The following TGM2 variants were observed in gnomAD, a reference collection of about 807,000 sequenced individuals.
The protein encoded by TGM2 is transglutaminase 2.
In TGM2, 53 loss-of-function variants were observed where a neutral mutation model predicts 75.6. The ratio of observed to expected loss-of-function variants is 0.70; its 90% confidence interval spans 0.56 to 0.88. The LOEUF (loss-of-function observed/expected upper bound fraction) is 0.88, where lower values mean the gene tolerates loss of function less well. TGM2 is among the 40% of genes least tolerant of loss of function. TGM2 has a pLI of 0.00. For synonymous variants in TGM2, 374 were observed against 381.1 expected, an observed-to-expected ratio of 0.98 and a Z score of 0.22; for missense variants, 842 against 928.5, an observed-to-expected ratio of 0.91 and a Z score of 1.21.
intron 3 of TGM2, among the ~76,000 whole-genome samples, chr20:38,153,258 C>T (rs2075136422): frequency 6.6e-6 from 1 of 152,058 alleles, no homozygotes; most frequent in Non-Finnish European, 1.5e-5. Flanking sequence ...GGCGTGGTGG[C>T]TCACGCCTGT....
intron 4 of TGM2, 99 bp from the exon 5 acceptor site, chr20:38,148,188 C>A: frequency 6.6e-7 from 1 of 1,517,712 alleles, no homozygotes; most frequent in Non-Finnish European, 9.1e-7. Flanking sequence ...CCACTCTGTC[C>A]CACACAGCAG....
At chr20:38,153,735 C>T (rs751622463) in intron 3 of TGM2, among the ~76,000 whole-genome samples, 32 of 152,148 alleles carry the variant, frequency 2.1e-4, no homozygotes, top group Admixed American at 3.9e-4. Context: ...GGTGAGCCCC[C>T]GCAAAATATC....
At position 38,130,311 on chromosome 20, in the gene TGM2, G is replaced by A; in HGVS notation, c.1972C>T (p.His658Tyr). Residue 658 changes from histidine to tyrosine, a missense_variant, in exon 13 of 13, where the codon CAC becomes TAC. Transcript: ENST00000361475. The stretch of plus-strand genomic sequence containing the variant: ...ACCACCAGCTTGTGGAGGCCCATGT[G>A]GAGCGGCAGCAGGTCCATTCTCACC... ...VKVRMDLLPL[H>Y]MGLHKLVVNF... The A allele has an allele frequency of 6.2e-7, 1 of 1,610,950 alleles. No homozygotes were observed. Among genetic ancestry groups the A allele is most frequent in the Non-Finnish European group, 8.5e-7 (1 of 1,179,050 alleles).
chr20:38,157,072 G>T (rs998436504), intron 2 of TGM2, among the ~76,000 whole-genome samples: 4 of 152,226 alleles, frequency 2.6e-5, no homozygotes, highest in African/African-American at 9.6e-5. Flanking sequence ...GACATGGGTG[G>T]TGGAGAGAAG....
At chr20:38,146,404 G>A in intron 6 of TGM2, 1 of 462,494 alleles carries the variant, frequency 2.2e-6, no homozygotes, top group South Asian at 2.1e-5. Context: ...CACAGAGCAA[G>A]TGGTGGGAGG....
intron 11 of TGM2, among the ~76,000 whole-genome samples, chr20:38,131,592 T>C (rs1294861212): frequency 6.6e-6 from 1 of 152,138 alleles, no homozygotes; most frequent in African/African-American, 2.4e-5. Context: ...ACACCTTGGA[T>C]TCTTCATGGG....
intron 8 of TGM2, 98 bp from the exon 9 acceptor site, chr20:38,139,752 C>G: frequency 6.6e-7 from 1 of 1,505,268 alleles, no homozygotes; most frequent in African/African-American, 1.4e-5. Flanking sequence ...CCAAAAACCT[C>G]AAGACCACGC....
In TGM2 at chr20:38,139,524, C is replaced by A; in HGVS notation, c.1230G>T (p.Gly410=). Residue 410 remains glycine, a synonymous_variant, in exon 9 of 13, where the codon GGG becomes GGT. Coordinates refer to ENST00000361475, the MANE Select transcript of TGM2 (RefSeq NM_004613.4). ...AACGGTTGATGGATTTGTGCACAGA[C>A]CCATCGTCCTGCTGGATCCAGTCTA... ...DVVDWIQQDD[G]SVHKSINRSL... 6.2e-7 allele frequency: 1 copy of A among 1,614,216 alleles called. No homozygotes were observed. Among genetic ancestry groups the A allele is most frequent in the African/African-American group, 1.3e-5 (1 of 75,044 alleles).
chr20:38,139,615 T>C lies in TGM2; in HGVS notation c.1139A>G (p.Lys380Arg), dbSNP rs772558202. 15 of 1,614,030 alleles carry C rather than the reference T, an allele frequency of 9.3e-6. No individual in the cohort carries two copies. Among genetic ancestry groups the C allele is most frequent in the Admixed American group, 1.7e-5 (1 of 59,994 alleles). ...CCGPVPVRAI[K>R]EGDLSTKYDA... ...GTACTTGGTGCTCAGGTCGCCCTCC[T>C]TGATGGCACGAACTGGAACTGGGCC... The change falls in exon 9 of 13, where the codon AAG becomes AGG. Residue 380 changes from lysine (K) to arginine (R), a missense_variant. Transcript: ENST00000361475.
upstream of TGM2, among the ~76,000 whole-genome samples, chr20:38,167,442 T>G (rs768141550): frequency 2.0e-5 from 3 of 152,180 alleles, no homozygotes; most frequent in African/African-American, 4.8e-5. Context: ...GCTCAAGCGA[T>G]CCTCCTGCCT....
At chr20:38,154,872 G>A (rs2075163158) in intron 3 of TGM2, among the ~76,000 whole-genome samples, 1 of 152,156 alleles carries the variant, frequency 6.6e-6, no homozygotes. Context: ...TTGGCAGGCC[G>A]AGGCGGGTGG....
intron 12 of TGM2, 72 bp from the exon 13 acceptor site, chr20:38,130,441 A>G: frequency 1.3e-6 from 2 of 1,500,156 alleles, no homozygotes; most frequent in South Asian, 1.2e-5. Context: ...TCCAGCCAGG[A>G]AGTCACGTGA....
At chr20:38,165,056 G>T in intron 1 of TGM2, 133 bp downstream of exon 1, 1 of 1,311,594 alleles carries the variant, frequency 7.6e-7, no homozygotes, top group Non-Finnish European at 1.1e-6. Context: ...AAGCAGCATT[G>T]AGACGCCTCC....
chr20:38,139,967 T>C (rs2074950943), intron 8 of TGM2, among the ~76,000 whole-genome samples: 1 of 152,256 alleles, frequency 6.6e-6, no homozygotes, highest in East Asian at 1.9e-4. Context: ...TCCTGAATTA[T>C]AGATGTAAAG....
chr20:38,137,927 C>T (rs958949404), intron 10 of TGM2, 186 bp downstream of exon 10: 1 of 1,346,178 alleles, frequency 7.4e-7, no homozygotes, highest in Non-Finnish European at 9.9e-7. Context: ...TAGAATCCAC[C>T]CCCTCACTCT....
chr20:38,153,528 A>AAAAAAAAAAAAAG (rs56670550), intron 3 of TGM2, among the ~76,000 whole-genome samples: 3 of 125,274 alleles, frequency 2.4e-5, no homozygotes, highest in South Asian at 5.2e-4. Flanking sequence ...TGGTCTCAAA[A>AAAAAAAAAAAAAG]AAAAGAAAAA....
intron 1 of TGM2, among the ~76,000 whole-genome samples, chr20:38,164,076 C>A (rs1021295057): frequency 2.6e-5 from 4 of 152,236 alleles, no homozygotes; most frequent in African/African-American, 9.6e-5. Context: ...TCATAACTGG[C>A]ATCTCCAGGA....
Position 38,131,166 on chromosome 20 carries a change from G to A in TGM2, c.1840C>T (p.Pro614Ser). 1.2e-6 allele frequency: 2 copies of A among 1,613,884 alleles called. No homozygotes were observed. Among genetic ancestry groups the A allele is most frequent in the Non-Finnish European group, 1.7e-6 (2 of 1,180,016 alleles). Reference sequence around the variant, plus strand: ...AAGGTGCAGCCTTCCAGGGCCACAGGGAGCGGGTTCTGCAGGGACACCTCA... The same window carrying A: ...AAGGTGCAGCCTTCCAGGGCCACAGAGAGCGGGTTCTGCAGGGACACCTCA... ...VAEVSLQNPL[P>S]VALEGCTFTV... is the part of the protein sequence containing the mutation. Residue 614 changes from proline (P) to serine (S), a missense_variant, in exon 12 of 13, where the codon CCT becomes TCT. Transcript: ENST00000361475.
Position 38,127,568 on chromosome 20 carries a change from T to C in TGM2, c.*2651A>G, listed in dbSNP as rs1568677193. On this transcript the variant is annotated 3_prime_UTR_variant, in exon 13 of 13. Coordinates refer to ENST00000361475, the MANE Select transcript of TGM2 (RefSeq NM_004613.4). Reference sequence around the variant, plus strand: ...CATCCACGGAATCGCAGTCTAGACCTGCTTCATCCAGTACTAGCCAGACTG... The same window carrying C: ...CATCCACGGAATCGCAGTCTAGACCCGCTTCATCCAGTACTAGCCAGACTG... 9 of 161,426 alleles carry C rather than the reference T, an allele frequency of 5.6e-5. No homozygotes were observed. The South Asian group carries it at 1.6e-3, about 29-fold the overall frequency. The allele number at this position is 161,426 out of a possible 1,614,324, so 10.0% of individuals were successfully genotyped here.
Sources: gnomAD v4.1 joint callset for allele counts (sites outside exome capture counted in the v4.1 genomes callset) on GRCh38, gnomAD v4.1.1 for gene constraint, MANE v1.5 for transcripts, NCBI Gene and HGNC (gene_info 2026-07-23, HGNC 2026-07-21) for gene names.